The following ADAM22 variants were observed in gnomAD, a reference collection of about 807,000 sequenced individuals.
The protein encoded by ADAM22 is ADAM metallopeptidase domain 22.
Under a neutral mutation model 144.6 loss-of-function variants are expected in ADAM22, and 65 were observed. The observed-to-expected ratio is 0.45, with a 90% CI of 0.37 to 0.55. The LOEUF is 0.55. Ranked by LOEUF, ADAM22 falls within the 20% of genes least tolerant of loss-of-function variation. ADAM22 has a pLI of 0.00. For synonymous variants in ADAM22, 391 were observed against 412.6 expected (o/e 0.95, Z 0.63); for missense variants, 974 against 1,184.9 (o/e 0.82, Z 2.61).
intron 3 of ADAM22, among the ~76,000 whole-genome samples, chr7:88,005,001 C>T (rs748552794): frequency 2.0e-5 from 3 of 152,154 alleles, no homozygotes; most frequent in Non-Finnish European, 2.9e-5. Flanking sequence ...TATTATAAAA[C>T]GCTAAGTGTG....
At chr7:88,088,317 C>T (rs914256762) in intron 4 of ADAM22, among the ~76,000 whole-genome samples, 1 of 152,052 alleles carries the variant, frequency 6.6e-6, no homozygotes, top group Non-Finnish European at 1.5e-5. Flanking sequence ...GGGGTGGGAG[C>T]CCCATGATAG....
chr7:88,182,527 A>G (rs1490479174), intron 29 of ADAM22, among the ~76,000 whole-genome samples: 1 of 152,020 alleles, frequency 6.6e-6, no homozygotes, highest in Non-Finnish European at 1.5e-5. Context: ...TCCCTTTTAA[A>G]TTTTCTATCT....
chr7:88,101,163 G>C (rs947476989), intron 4 of ADAM22, among the ~76,000 whole-genome samples: 1 of 151,912 alleles, frequency 6.6e-6, no homozygotes, highest in Non-Finnish European at 1.5e-5. Flanking sequence ...AGTTGGTATG[G>C]GGTGAGGCTG....
Position 88,019,164 on chromosome 7 carries a change from T to C in ADAM22, c.323+40752T>C, listed in dbSNP as rs977650427. ...AGCACTGACCCAGAAAGAATATCCATTAGCCCTTCTGAAAATTTAGCATGC... is the reference window on the plus strand; with the variant it reads ...AGCACTGACCCAGAAAGAATATCCACTAGCCCTTCTGAAAATTTAGCATGC... On this transcript the variant is annotated intron_variant, in intron 3 of 31. Transcript: ENST00000413139. Among the ~76,000 whole-genome samples the C allele has an allele frequency of 2.0e-5, 3 of 152,272 alleles. No individual in the cohort carries two copies. In the East Asian group the frequency reaches 5.8e-4, roughly 29 times the overall value.
At chr7:88,047,501 T>C (rs749770197) in intron 3 of ADAM22, among the ~76,000 whole-genome samples, 3 of 152,208 alleles carry the variant, frequency 2.0e-5, no homozygotes, top group Non-Finnish European at 4.4e-5. Flanking sequence ...TTGTATTTTC[T>C]TGTTTTGTTA....
At chr7:87,977,634 T>A (rs1852205938) in intron 2 of ADAM22, among the ~76,000 whole-genome samples, 1 of 152,216 alleles carries the variant, frequency 6.6e-6, no homozygotes, top group African/African-American at 2.4e-5. Flanking sequence ...CACATGATTA[T>A]TCAGTATGCA....
chr7:88,075,946 G>A (rs1814328802), intron 4 of ADAM22, among the ~76,000 whole-genome samples: 1 of 152,174 alleles, frequency 6.6e-6, no homozygotes, highest in Non-Finnish European at 1.5e-5. Flanking sequence ...CAAGTACTAG[G>A]TTGGTGCAAA....
chr7:88,153,773 T>G (rs1167459776), intron 21 of ADAM22, among the ~76,000 whole-genome samples: 2 of 152,222 alleles, frequency 1.3e-5, no homozygotes, highest in Non-Finnish European at 2.9e-5. Flanking sequence ...ATTACATCCA[T>G]TCTTCCCTTT....
rs1056634922 is a variant in ADAM22, at chr7:88,202,388, A to G, written c.*5897A>G. On this transcript the variant is annotated 3_prime_UTR_variant, in exon 32 of 32. Coordinates refer to ENST00000413139, the MANE Select transcript of ADAM22 (RefSeq NM_001324418.2). ...GTTTTACCTAAACATAGTAGCTTAC[A>G]TGTTAGCCAGCAGTAGGTCGGCACT... 3 of 152,174 alleles carry G rather than the reference A, an allele frequency of 2.0e-5. No homozygotes were observed. Among genetic ancestry groups the G allele is most frequent in the African/African-American group, 7.2e-5 (3 of 41,438 alleles). The allele number at this position is 152,174 out of a possible 1,614,324, so 9.4% of individuals were successfully genotyped here. A position where few individuals can be genotyped will look rare whatever the true frequency, so the allele number is the denominator to read the frequency against.
At chr7:87,968,810 A>G (rs1849744807) in intron 2 of ADAM22, among the ~76,000 whole-genome samples, 2 of 152,306 alleles carry the variant, frequency 1.3e-5, no homozygotes, top group South Asian at 4.1e-4. Context: ...ATTTTTAAGA[A>G]AAGAGGGTTA....
chr7:87,991,310 T>G (rs1443571078), intron 3 of ADAM22, among the ~76,000 whole-genome samples: 1 of 151,900 alleles, frequency 6.6e-6, no homozygotes, highest in Non-Finnish European at 1.5e-5. Context: ...CTTAACTTAT[T>G]ATATTAAAAA....
chr7:88,063,376 C>T (rs954335542), intron 3 of ADAM22, among the ~76,000 whole-genome samples: 4 of 151,812 alleles, frequency 2.6e-5, no homozygotes, highest in African/African-American at 9.7e-5. Context: ...TCCCAGAAAA[C>T]AGGACAAAAG....
chr7:88,181,611 G>T lies in ADAM22; in HGVS notation c.2596+6G>T. ...TCGAAGTAACTCTTGGCAAGGTAGA[G>T]GCTGGCATTCTGAATCTGTCTGTCC... is the stretch of plus-strand genomic sequence containing the variant. On this transcript the variant is annotated splice_donor_region_variant and intron_variant, in intron 28 of 31. Transcript: ENST00000413139. 6.2e-7 allele frequency: 1 copy of T among 1,610,214 alleles called. No individual in the cohort carries two copies. The highest frequency in any genetic ancestry group is 1.3e-5 in the African/African-American group (1 of 74,930).
chr7:88,165,968 A>G (rs1372533186), intron 24 of ADAM22, 22 bp downstream of exon 24: 3 of 1,557,836 alleles, frequency 1.9e-6, no homozygotes, highest in Non-Finnish European at 2.6e-6. Flanking sequence ...ATTTGGTAAC[A>G]TTATGTAGTC....
intron 5 of ADAM22, among the ~76,000 whole-genome samples, chr7:88,114,241 G>A (rs1827156157): frequency 6.6e-6 from 1 of 152,122 alleles, no homozygotes; most frequent in Non-Finnish European, 1.5e-5. Flanking sequence ...ATAAATCTGA[G>A]GAGAGTCCTG....
intron 3 of ADAM22, among the ~76,000 whole-genome samples, chr7:87,982,058 TATATATATATACAC>T (rs1289861692): frequency 2.5e-5 from 3 of 120,822 alleles, no homozygotes; most frequent in African/African-American, 1.0e-4. Flanking sequence ...TATATATATA[TATATATATATACAC>T]ACACACACAC....
At chr7:88,012,028 G>T (rs116954842) in intron 3 of ADAM22, among the ~76,000 whole-genome samples, 17 of 114,502 alleles carry the variant, frequency 1.5e-4, no homozygotes, top group Admixed American at 9.9e-4. Context: ...ATTGTGTTCT[G>T]TTTTTTTTTC....
chr7:87,947,646 T>C (rs771935731), intron 2 of ADAM22, among the ~76,000 whole-genome samples: 26 of 152,206 alleles, frequency 1.7e-4, no homozygotes, highest in South Asian at 6.2e-4. Context: ...TAGACAATGT[T>C]CTCTCATAGT....
chr7:88,043,313 G>A lies in ADAM22; in HGVS notation c.324-32313G>A, dbSNP rs530943470. The stretch of plus-strand genomic sequence containing the variant: ...ATCCTGGCTAACACGATGAAACCCC[G>A]TCTCTACTAAAAATACAAAAAATTA... On this transcript the variant is annotated intron_variant, in intron 3 of 31. Coordinates refer to ENST00000413139, the MANE Select transcript of ADAM22 (RefSeq NM_001324418.2). 7.2e-5 allele frequency among the ~76,000 whole-genome samples: 11 copies of A among 151,826 alleles called. No homozygotes were observed. The South Asian group carries it at 1.0e-3, about 14-fold the overall frequency.
Sources: gnomAD v4.1 joint callset for allele counts (sites outside exome capture counted in the v4.1 genomes callset) on GRCh38, gnomAD v4.1.1 for gene constraint, MANE v1.5 for transcripts, NCBI Gene and HGNC (gene_info 2026-07-23, HGNC 2026-07-21) for gene names.